Variants in MACROD2 observed in about 807,000 individuals in gnomAD.
The protein encoded by MACROD2 is ADP-ribose glycohydrolase MACROD2.
In MACROD2, 36 loss-of-function variants were observed where a neutral mutation model predicts 70.4. The observed-to-expected ratio is 0.51, with a 90% confidence interval of 0.39 to 0.68. MACROD2 has a LOEUF of 0.68. Ranked by LOEUF, MACROD2 falls within the 30% of genes least tolerant of loss-of-function variation. MACROD2 has a pLI of 0.00. For missense variants in MACROD2, 496 were observed against 538.4 expected (o/e 0.92, Z 0.78); for synonymous variants, 172 against 178.8 (o/e 0.96, Z 0.30).
intron 5 of MACROD2, among the ~76,000 whole-genome samples, chr20:14,737,574 T>G (rs2071682921): frequency 6.6e-6 from 1 of 152,192 alleles, no homozygotes; most frequent in Non-Finnish European, 1.5e-5. Context: ...CCACCAACAG[T>G]GTAAAAGCCT....
intron 15 of MACROD2, among the ~76,000 whole-genome samples, chr20:16,024,234 C>T (rs2067044876): frequency 6.6e-6 from 1 of 152,164 alleles, no homozygotes; most frequent in Non-Finnish European, 1.5e-5. Flanking sequence ...TAAGTGGTTT[C>T]AGGTTGATAA....
rs1464917067 is a variant in MACROD2 at position 15,993,840 on chromosome 20, C to G, written c.1153+6682C>G. Among the ~76,000 whole-genome samples, 7 of 152,138 alleles carry G rather than the reference C, an allele frequency of 4.6e-5. No individual in the cohort carries two copies. The East Asian group carries it at 1.3e-3, about 29-fold the overall frequency. On this transcript the variant is annotated intron_variant, in intron 15 of 17. Transcript: ENST00000684519. ...TGAACAAATCTCATTTTCATTACTA[C>G]AAGTTTTCTACATGTTACCTTCTAC...
At chr20:14,050,634 C>A (rs560792246) in intron 2 of MACROD2, among the ~76,000 whole-genome samples, 1 of 152,108 alleles carries the variant, frequency 6.6e-6, no homozygotes, top group Admixed American at 6.6e-5. Flanking sequence ...AAACTGACCC[C>A]TGGAAAGTGG....
intron 4 of MACROD2, among the ~76,000 whole-genome samples, chr20:14,528,152 C>T (rs1478527524): frequency 6.6e-6 from 1 of 151,554 alleles, no homozygotes; most frequent in Admixed American, 6.6e-5. Context: ...CCTCATTGCC[C>T]AGGCTGGAGA....
At chr20:15,814,867 T>A (rs1193320793) in intron 8 of MACROD2, among the ~76,000 whole-genome samples, 2 of 152,260 alleles carry the variant, frequency 1.3e-5, no homozygotes, top group African/African-American at 4.8e-5. Flanking sequence ...GCACACAGTC[T>A]GTGCTTACTA....
intron 5 of MACROD2, among the ~76,000 whole-genome samples, chr20:15,051,082 C>A (rs1171052409): frequency 6.6e-6 from 1 of 151,886 alleles, no homozygotes; most frequent in African/African-American, 2.4e-5. Context: ...TAACTGAAAT[C>A]CCTTTTTAAA....
intron 8 of MACROD2, among the ~76,000 whole-genome samples, chr20:15,850,117 C>T (rs2064279835): frequency 6.6e-6 from 1 of 152,096 alleles, no homozygotes; most frequent in African/African-American, 2.4e-5. Context: ...TGGATTCTCC[C>T]AAAAGCAGAC....
In MACROD2 at chr20:15,986,774, T is replaced by C; in HGVS notation, c.1033T>C (p.Ser345Pro). 1 of 1,613,266 alleles carries C rather than the reference T, an allele frequency of 6.2e-7. No individual in the cohort carries two copies. Among genetic ancestry groups the C allele is most frequent in the Non-Finnish European group, 8.5e-7 (1 of 1,179,390 alleles). ...TKNEIKIETE[S>P]QSSYMETEEL... is the part of the protein sequence containing the mutation. ...GAATGAAATAAAAATTGAAACAGAA[T>C]CGCAGAGCTCATATATGGAAACAGA... The change falls in exon 14 of 18, where the codon TCG becomes CCG. Residue 345 changes from serine (S) to proline (P), a missense_variant. Physicochemically the swap from Ser to Pro is moderately conservative, Grantham distance 74 (BLOSUM62 -1). Coordinates refer to ENST00000684519, the MANE Select transcript of MACROD2 (RefSeq NM_001351661.2).
chr20:15,078,278 T>G (rs2075675254), intron 5 of MACROD2, among the ~76,000 whole-genome samples: 1 of 151,936 alleles, frequency 6.6e-6, no homozygotes, highest in African/African-American at 2.4e-5. Flanking sequence ...GTATTCTGAG[T>G]TTTTGCTCCT....
At chr20:15,043,161 T>C (rs1037313007) in intron 5 of MACROD2, among the ~76,000 whole-genome samples, 2 of 152,188 alleles carry the variant, frequency 1.3e-5, no homozygotes, top group Non-Finnish European at 2.9e-5. Context: ...TAGGACTCCA[T>C]GTTTCTATGA....
At chr20:14,894,767 A>G (rs890109366) in intron 5 of MACROD2, 2 of 152,198 alleles carry the variant, frequency 1.3e-5, no homozygotes, top group African/African-American at 4.8e-5. Flanking sequence ...TTAACATTTT[A>G]TCATATTGAT....
intron 3 of MACROD2, among the ~76,000 whole-genome samples, chr20:14,312,253 G>A (rs1004560180): frequency 6.6e-6 from 1 of 152,110 alleles, no homozygotes; most frequent in African/African-American, 2.4e-5. Context: ...TGGGTGACTT[G>A]TATCATCAGA....
chr20:14,952,322 A>G (rs1270010499), intron 5 of MACROD2, among the ~76,000 whole-genome samples: 1 of 152,178 alleles, frequency 6.6e-6, no homozygotes, highest in Non-Finnish European at 1.5e-5. Flanking sequence ...TAATGTTGCC[A>G]TCTAATAGTT....
chr20:16,042,441 G>T (rs6043683), intron 16 of MACROD2, among the ~76,000 whole-genome samples: 22,224 of 151,970 alleles, frequency 0.15, 1,717 homozygotes, highest in East Asian at 0.19. Flanking sequence ...TGTGAAATAC[G>T]GAGTTTTAGT....
chr20:15,470,453 TCTC>T (rs2046950235), intron 7 of MACROD2, among the ~76,000 whole-genome samples: 1 of 152,166 alleles, frequency 6.6e-6, no homozygotes, highest in African/African-American at 2.4e-5. Context: ...TGAGGTACCA[TCTC>T]CTCCTAACCT....
intron 15 of MACROD2, among the ~76,000 whole-genome samples, chr20:15,995,665 T>TTTTTTTTTTTTTTTTTTTTTTTC (rs2066620402): frequency 7.0e-6 from 1 of 142,616 alleles, no homozygotes. Context: ...TTTTTTTTTT[T>TTTTTTTTTTTTTTTTTTTTTTTC]TTTTAACTTT....
intron 4 of MACROD2, among the ~76,000 whole-genome samples, chr20:14,653,258 G>T (rs1398920378): frequency 7.2e-6 from 1 of 138,190 alleles, no homozygotes; most frequent in Non-Finnish European, 1.5e-5. Flanking sequence ...TCGCTCTGTT[G>T]CCCAGGCTGG....
chr20:14,868,179 T>C (rs1301266187), intron 5 of MACROD2, among the ~76,000 whole-genome samples: 2 of 148,470 alleles, frequency 1.3e-5, no homozygotes, highest in Non-Finnish European at 3.0e-5. Context: ...ATCTTTTTCT[T>C]TTTTCTTTCT....
At position 14,757,543 on chromosome 20, in the gene MACROD2, C is replaced by T. The variant is rs575265619; in HGVS notation, c.418+72584C>T. 6.6e-4 allele frequency: 532 copies of T among 804,198 alleles called. 2 individuals carry two copies. The highest frequency in any genetic ancestry group is 9.3e-4 in the Non-Finnish European group (444 of 478,754). The allele number at this position is 804,198 out of a possible 1,614,324, so 49.8% of individuals were successfully genotyped here. A position where few individuals can be genotyped will look rare whatever the true frequency, so the allele number is the denominator to read the frequency against. On this transcript the variant is annotated intron_variant, in intron 5 of 17. Coordinates refer to ENST00000684519, the MANE Select transcript of MACROD2 (RefSeq NM_001351661.2). ...AAAGACTGTATCTAGGCCCTGGCCC[C>T]GGACCCTACAGCCATCAAGATGTTG... is the stretch of plus-strand genomic sequence containing the variant.
Sources: allele counts gnomAD v4.1 joint callset (sites outside exome capture counted in the v4.1 genomes callset), GRCh38; gene constraint gnomAD v4.1.1; transcripts MANE v1.5; gene names NCBI Gene and HGNC (gene_info 2026-07-23, HGNC 2026-07-21).